The following FARS2 variants were observed in gnomAD, a reference collection of about 807,000 sequenced individuals.
FARS2 encodes phenylalanyl-tRNA synthetase 2, mitochondrial, also known as phenylalanine--tRNA ligase, mitochondrial.
Under a neutral mutation model 46.4 loss-of-function variants are expected in FARS2, and 40 were observed. That is an observed-to-expected ratio of 0.86 (90% CI 0.67 to 1.12). The LOEUF is 1.12. FARS2 is among the 50% of genes most tolerant of loss of function. FARS2 has a pLI of 0.00. For synonymous variants in FARS2, 234 were observed against 214.9 expected (o/e 1.09, Z -0.78); for missense variants, 513 against 567.9 (o/e 0.90, Z 0.98).
chr6:5,412,110 G>T (rs982339502), intron 3 of FARS2, among the ~76,000 whole-genome samples: 1 of 152,156 alleles, frequency 6.6e-6, no homozygotes, highest in African/African-American at 2.4e-5. Context: ...GTCTTTGCTT[G>T]TTAAAAGACC....
At chr6:5,557,275 C>T (rs954455453) in intron 5 of FARS2, among the ~76,000 whole-genome samples, 4 of 152,106 alleles carry the variant, frequency 2.6e-5, no homozygotes, top group East Asian at 1.9e-4. Flanking sequence ...GCAGCAAACC[C>T]GCAGTGATGC....
chr6:5,491,297 G>A (rs1356669441), intron 4 of FARS2, among the ~76,000 whole-genome samples: 1 of 152,074 alleles, frequency 6.6e-6, no homozygotes, highest in Non-Finnish European at 1.5e-5. Context: ...TTCATTTTGT[G>A]TTTTCTTCCC....
chr6:5,260,224 TTGTCGCAG>T (rs1439157374), upstream of FARS2, among the ~76,000 whole-genome samples: 2 of 152,180 alleles, frequency 1.3e-5, no homozygotes, highest in Non-Finnish European at 1.5e-5. Context: ...GCCTTCAGCT[TTGTCGCAG>T]TGTACTACTC....
At chr6:5,712,997 G>A (rs1285692807) in intron 6 of FARS2, among the ~76,000 whole-genome samples, 1 of 152,256 alleles carries the variant, frequency 6.6e-6, no homozygotes, top group Non-Finnish European at 1.5e-5. Flanking sequence ...CTTTCTGGAA[G>A]TAAGAGAAAG....
chr6:5,490,543 C>T (rs577083274), intron 4 of FARS2, among the ~76,000 whole-genome samples: 1 of 152,352 alleles, frequency 6.6e-6, no homozygotes, highest in East Asian at 1.9e-4. Flanking sequence ...GTGATCGCTG[C>T]TTCCTTGGGC....
chr6:5,732,446 T>C (rs559318151), intron 6 of FARS2, among the ~76,000 whole-genome samples: 1 of 152,246 alleles, frequency 6.6e-6, no homozygotes, highest in African/African-American at 2.4e-5. Flanking sequence ...CTCGTTGTTC[T>C]CATCTCTGTA....
chr6:5,753,246 C>G (rs1762045477), intron 6 of FARS2, among the ~76,000 whole-genome samples: 1 of 152,102 alleles, frequency 6.6e-6, no homozygotes, highest in South Asian at 2.1e-4. Flanking sequence ...AAGATGGTGG[C>G]CAGAGGGGAC....
Position 5,726,170 on chromosome 6 carries a change from C to CT in FARS2, c.1218-45110dup, listed in dbSNP as rs59078137. 8.9e-3 allele frequency among the ~76,000 whole-genome samples: 1,313 copies of CT among 148,272 alleles called. 18 individuals carry two copies. The highest frequency in any genetic ancestry group is 0.03 in the African/African-American group (1,218 of 40,578). On this transcript the variant is annotated intron_variant, in intron 6 of 6. Transcript: ENST00000274680. ...CTGGCTCTTTTTTTCTTTTTAGAAT[C>CT]TTTTTTTTTTTAATCCTCACTTGGG...
chr6:5,495,150 A>G (rs6919581), intron 4 of FARS2, among the ~76,000 whole-genome samples: 100,531 of 152,064 alleles, frequency 0.66, 33,549 homozygotes, highest in African/African-American at 0.77. Context: ...TTCCAATTAT[A>G]GAAACTGTAG....
chr6:5,574,526 A>G (rs1772847400), intron 5 of FARS2, among the ~76,000 whole-genome samples: 1 of 152,230 alleles, frequency 6.6e-6, no homozygotes, highest in Non-Finnish European at 1.5e-5. Flanking sequence ...ATTATGCAGA[A>G]TGTGTAAAAG....
intron 1 of FARS2, among the ~76,000 whole-genome samples, chr6:5,362,670 A>G (rs1334138667): frequency 6.6e-6 from 1 of 152,082 alleles, no homozygotes; most frequent in East Asian, 1.9e-4. Flanking sequence ...ATTTCCCATA[A>G]TGGTTATACT....
At chr6:5,296,982 T>G (rs190956027) in intron 1 of FARS2, among the ~76,000 whole-genome samples, 5 of 152,324 alleles carry the variant, frequency 3.3e-5, no homozygotes, top group Admixed American at 1.3e-4. Context: ...TATGTTTAAT[T>G]TTTCAGGAAC....
At chr6:5,720,485 A>G (rs1759817360) in intron 6 of FARS2, among the ~76,000 whole-genome samples, 1 of 152,234 alleles carries the variant, frequency 6.6e-6, no homozygotes, top group Admixed American at 6.5e-5. Context: ...CAGAAGGCAG[A>G]CAAATACTAA....
chr6:5,632,040 C>T (rs923315850), intron 6 of FARS2, among the ~76,000 whole-genome samples: 6 of 151,858 alleles, frequency 4.0e-5, no homozygotes, highest in Middle Eastern at 3.4e-3. Context: ...TTAGATAAAA[C>T]GAGCCATAAT....
Position 5,343,172 on chromosome 6 carries a change from T to A in FARS2, c.-21-25378T>A, listed in dbSNP as rs72815645. On this transcript the variant is annotated intron_variant, in intron 1 of 6. Transcript: ENST00000274680. This position sits in a 1 kb window ranked among gnomAD's most constrained non-coding sequence, Gnocchi z 4.5. ...ATGGTACTACTGCTGACAAAACTGT[T>A]GTTTATTACTGTAGACAAAACTGTA... Among the ~76,000 whole-genome samples, 34,298 of 151,952 alleles carry A rather than the reference T, an allele frequency of 0.23. 4,784 individuals carry two copies. The highest frequency in any genetic ancestry group is 0.29 in the Non-Finnish European group (19,944 of 67,976).
At chr6:5,429,932 C>CTT (rs770728298) in intron 3 of FARS2, among the ~76,000 whole-genome samples, 2 of 144,752 alleles carry the variant, frequency 1.4e-5, no homozygotes, top group African/African-American at 5.0e-5. Context: ...AGACAATTGC[C>CTT]TTTTTTTTTT....
intron 1 of FARS2, among the ~76,000 whole-genome samples, chr6:5,265,426 A>T (rs796230844): frequency 1.3e-5 from 2 of 152,324 alleles, no homozygotes; most frequent in South Asian, 4.1e-4. Context: ...TCTGGAATAA[A>T]TCATTTCTTC....
rs183454904 is a variant in FARS2, at chr6:5,279,576, A to G, written c.-22+17916A>G. On this transcript the variant is annotated intron_variant, in intron 1 of 6. Coordinates refer to ENST00000274680, the MANE Select transcript of FARS2 (RefSeq NM_006567.5). ...TATAAATGTGTGTGTGTGTGTGTGT[A>G]TATATATATATTTTATATATATATA... Among the ~76,000 whole-genome samples, 614 of 139,348 alleles carry G rather than the reference A, an allele frequency of 4.4e-3. 7 individuals are homozygous for G. The highest frequency in any genetic ancestry group is 0.025 in the South Asian group (118 of 4,724). The allele number at this position is 139,348 out of a possible 152,430, so 91.4% of individuals were successfully genotyped here. A position where few individuals can be genotyped will look rare whatever the true frequency, so the allele number is the denominator to read the frequency against.
At chr6:5,595,056 G>A (rs889901574) in intron 5 of FARS2, among the ~76,000 whole-genome samples, 3 of 152,148 alleles carry the variant, frequency 2.0e-5, no homozygotes, top group African/African-American at 4.8e-5. Context: ...GTCTCCCACC[G>A]TAGAGTGCAG....
Sources: gnomAD v4.1 joint callset for allele counts (sites outside exome capture counted in the v4.1 genomes callset) on GRCh38, gnomAD v4.1.1 for gene constraint, Gnocchi (gnomAD v3.1) non-coding constraint, MANE v1.5 for transcripts, NCBI Gene and HGNC (gene_info 2026-07-23, HGNC 2026-07-21) for gene names.